SLC1A7: variants seen among roughly 807,000 people sequenced by gnomAD.
SLC1A7 encodes the protein excitatory amino acid transporter 5.
SLC1A7 carries 40 observed loss-of-function variants against 47.7 expected under a neutral mutation model. The ratio of observed to expected loss-of-function variants is 0.84; its 90% CI spans 0.65 to 1.09. SLC1A7 has a LOEUF of 1.09. Among genes scored for constraint, SLC1A7 ranks in the 50% least tolerant of loss-of-function variants. The pLI is 0.00. For synonymous variants in SLC1A7, 323 were observed against 325.6 expected (o/e 0.99, Z 0.09); for missense variants, 746 against 769.5 (o/e 0.97, Z 0.36).
intron 1 of SLC1A7, among the ~76,000 whole-genome samples, chr1:53,138,615 G>A (rs1047892275): frequency 6.7e-6 from 1 of 148,376 alleles, no homozygotes; most frequent in Admixed American, 6.8e-5. Context: ...CAATCCACCC[G>A]CCTTGGCCTC....
chr1:53,123,711 G>A (rs978787024), intron 2 of SLC1A7, among the ~76,000 whole-genome samples: 1 of 152,252 alleles, frequency 6.6e-6, no homozygotes, highest in African/African-American at 2.4e-5. Context: ...GGGAGCGAGA[G>A]CATGGAAGTC....
At chr1:53,123,986 C>G (rs918666828) in intron 2 of SLC1A7, among the ~76,000 whole-genome samples, 4 of 152,232 alleles carry the variant, frequency 2.6e-5, no homozygotes, top group African/African-American at 9.6e-5. Flanking sequence ...GCTCCTCTGC[C>G]TCCTCCTGCT....
chr1:53,124,757 G>A (rs182102999), intron 2 of SLC1A7, among the ~76,000 whole-genome samples: 4 of 152,348 alleles, frequency 2.6e-5, no homozygotes, highest in Admixed American at 6.5e-5. Context: ...AACTCGAGGT[G>A]AGACCACAGT....
chr1:53,102,429 G>A (rs11206097), intron 5 of SLC1A7: 39,327 of 151,544 alleles, frequency 0.26, 5,640 homozygotes, highest in African/African-American at 0.4. Context: ...AGTGTAGCTC[G>A]GGGCACTCGG....
intron 4 of SLC1A7, among the ~76,000 whole-genome samples, chr1:53,104,244 C>T (rs756539186): frequency 2.6e-5 from 4 of 152,078 alleles, no homozygotes; most frequent in African/African-American, 4.8e-5. Flanking sequence ...AAAATGGGAC[C>T]GTGATAGCAT....
intron 2 of SLC1A7, among the ~76,000 whole-genome samples, chr1:53,121,435 G>C (rs985939136): frequency 6.6e-6 from 1 of 152,210 alleles, no homozygotes; most frequent in Admixed American, 6.5e-5. Context: ...AAGAGATGGG[G>C]GCTTGGTGAA....
chr1:53,092,609 C>T lies in SLC1A7; in HGVS notation c.976G>A (p.Val326Ile), dbSNP rs755291489. The T allele has an allele frequency of 1.4e-5, 23 of 1,614,052 alleles. No homozygotes were observed. Among genetic ancestry groups the T allele is most frequent in the Non-Finnish European group, 1.5e-5 (18 of 1,180,038 alleles). Residue 326 changes from valine (V) to isoleucine (I), a missense_variant, in exon 7 of 11, where the codon GTC becomes ATC. Physicochemically the swap from Val to Ile is conservative, Grantham distance 29 (BLOSUM62 3). Coordinates refer to ENST00000371494, the MANE Select transcript of SLC1A7 (RefSeq NM_006671.6). Reference sequence around the variant, plus strand: ...GCCTGCAGGATGCCACGGATGAAGACGATGGGATTCTTCTTGGTGATGAAG... The same window carrying T: ...GCCTGCAGGATGCCACGGATGAAGATGATGGGATTCTTCTTGGTGATGAAG... ...YFFITKKNPI[V>I]FIRGILQALL...
At position 53,088,913 on chromosome 1, in the gene SLC1A7, T is replaced by C; in HGVS notation, c.1428A>G (p.Ile476Met). The C allele has an allele frequency of 6.2e-7, 1 of 1,614,038 alleles. No individual in the cohort carries two copies. Among genetic ancestry groups the C allele is most frequent in the Non-Finnish European group, 8.5e-7 (1 of 1,179,992 alleles). Residue 476 changes from isoleucine (I) to methionine (M), a missense_variant, in exon 10 of 11, where the codon ATA becomes ATG. Transcript: ENST00000371494. ...DALAAGIMAH[I>M]CRKDFARDTG... ...TGTCCCGGGCAAAATCCTTCCGACA[T>C]ATATGGGCCATGATCCCCGCTGCCA... is the stretch of plus-strand genomic sequence containing the variant.
At chr1:53,115,383 G>C (rs967869238) in intron 2 of SLC1A7, 10 of 215,328 alleles carry the variant, frequency 4.6e-5, no homozygotes, top group African/African-American at 1.6e-4. Flanking sequence ...GCAGGACCAA[G>C]CTTGGTCTAC....
rs1363404224 is a variant in SLC1A7, at chr1:53,130,679, C to A, written c.215+3671G>T. On this transcript the variant is annotated intron_variant, in intron 2 of 10. Transcript: ENST00000371494. ...AGATTTAAAATCCTCAGAATACTTTCGGAGCTCTGAAAGCAAACCTCTGCT... is the reference window on the plus strand; with the variant it reads ...AGATTTAAAATCCTCAGAATACTTTAGGAGCTCTGAAAGCAAACCTCTGCT... 2.6e-5 allele frequency among the ~76,000 whole-genome samples: 4 copies of A among 152,188 alleles called. No homozygotes were observed. In the South Asian group the frequency reaches 6.2e-4, roughly 24 times the overall value.
At chr1:53,108,505 T>C in intron 3 of SLC1A7, 1 of 708,046 alleles carries the variant, frequency 1.4e-6, no homozygotes. Context: ...AAGCTCTGAT[T>C]CTCTTGCTAA....
At chr1:53,107,391 C>T (rs763580263) in intron 3 of SLC1A7, among the ~76,000 whole-genome samples, 20 of 152,110 alleles carry the variant, frequency 1.3e-4, no homozygotes, top group East Asian at 5.8e-4. Context: ...GGAATCCAAA[C>T]GAGATCCGTA....
At chr1:53,134,839 C>G (rs1040102742) in intron 1 of SLC1A7, among the ~76,000 whole-genome samples, 1 of 151,920 alleles carries the variant, frequency 6.6e-6, no homozygotes, top group African/African-American at 2.4e-5. Flanking sequence ...AAATGTAATT[C>G]ATAAATTAGA....
At chr1:53,102,229 C>G (rs1370471620) in intron 5 of SLC1A7, 1 of 152,322 alleles carries the variant, frequency 6.6e-6, no homozygotes, top group East Asian at 1.9e-4. Flanking sequence ...AGCTCCATTA[C>G]CCATTGTCAC....
At chr1:53,117,929 GT>G (rs1427439593) in intron 2 of SLC1A7, among the ~76,000 whole-genome samples, 1 of 152,256 alleles carries the variant, frequency 6.6e-6, no homozygotes, top group Admixed American at 6.5e-5. Flanking sequence ...GACCCAAGTC[GT>G]TCTGTGCTGG....
At position 53,093,646 on chromosome 1, in the gene SLC1A7, G is replaced by C. The variant is rs1475474434; in HGVS notation, c.698-86C>G. On this transcript the variant is annotated intron_variant, in intron 5 of 10. Coordinates refer to ENST00000371494, the MANE Select transcript of SLC1A7 (RefSeq NM_006671.6). ...TCTCAGCATGGCTGGCTTCCCAGCA[G>C]CCTTGATGCTCCAGCACTCCCCCCA... 3.1e-6 allele frequency: 3 copies of C among 963,450 alleles called. No homozygotes were observed. In the African/African-American group the frequency reaches 4.8e-5, roughly 15 times the overall value. 59.7% of individuals were successfully genotyped at this position (963,450 alleles called of 1,614,324 possible). A position where few individuals can be genotyped will look rare whatever the true frequency, so the allele number is the denominator to read the frequency against.
Position 53,093,467 on chromosome 1 carries a change from GC to G in SLC1A7, c.790del (p.Ala264LeufsTer197). Reference protein sequence around the residue: ...NESVMKIVAVAVWYFPFGIVF... With the variant: ...NESVMKIVAVXVWYFPFGIVF... The stretch of plus-strand genomic sequence containing the variant: ...GGTAAATGAGGAGGCTTACCACACA[GC>G]CACCGCCACGATCTTCATGACCGAC... On this transcript the variant is annotated frameshift_variant, in exon 6 of 11. Transcript: ENST00000371494. LOFTEE classifies it high-confidence loss of function. 6.2e-7 allele frequency: 1 copy of G among 1,608,338 alleles called. No homozygotes were observed.
In SLC1A7 at chr1:53,088,927, T is replaced by A. The variant is rs1644389397; in HGVS notation, c.1414A>T (p.Ile472Phe). The A allele has an allele frequency of 6.2e-7, 1 of 1,613,914 alleles. No individual in the cohort carries two copies. Among genetic ancestry groups the A allele is most frequent in the Non-Finnish European group, 8.5e-7 (1 of 1,180,004 alleles). The change falls in exon 10 of 11, where the codon ATC (isoleucine) becomes TTC (phenylalanine). Residue 472 changes from isoleucine (I) to phenylalanine (F), a missense_variant. By Grantham distance (21) the Ile-to-Phe change is conservative (BLOSUM62 0). Coordinates refer to ENST00000371494, the MANE Select transcript of SLC1A7 (RefSeq NM_006671.6). ...NVLGDALAAGIMAHICRKDFA... is the reference protein window; with the variant it reads ...NVLGDALAAGFMAHICRKDFA... ...TCCTTCCGACATATATGGGCCATGA[T>A]CCCCGCTGCCAGCGCATCACCCAGC...
At chr1:53,109,768 G>A (rs946129684) in intron 3 of SLC1A7, among the ~76,000 whole-genome samples, 4 of 152,318 alleles carry the variant, frequency 2.6e-5, no homozygotes, top group Middle Eastern at 6.8e-3. Flanking sequence ...AGCATCAGGA[G>A]TGGCTGTCAG....
Sources: gnomAD v4.1 joint callset for allele counts (sites outside exome capture counted in the v4.1 genomes callset) on GRCh38, gnomAD v4.1.1 for gene constraint, MANE v1.5 for transcripts, NCBI Gene and HGNC (gene_info 2026-07-23, HGNC 2026-07-21) for gene names.